The following AKT3 variants were observed in gnomAD, a reference collection of about 807,000 sequenced individuals.
AKT3 encodes the protein RAC-gamma serine/threonine-protein kinase.
In AKT3, 15 loss-of-function variants were observed where a neutral mutation model predicts 65.3. That is an observed-to-expected ratio of 0.23 (90% CI 0.15 to 0.35). The LOEUF (loss-of-function observed/expected upper bound fraction) is 0.35. AKT3 is among the 10% of genes least tolerant of loss of function. The pLI, the probability that AKT3 is intolerant of heterozygous loss-of-function variation, is 1.00. For missense variants in AKT3, 243 were observed against 576.5 expected (o/e 0.42, Z 5.92); for synonymous variants, 206 against 183.8 (o/e 1.12, Z -0.98).
At chr1:243,731,114 T>G (rs1437059931) in intron 2 of AKT3, among the ~76,000 whole-genome samples, 1 of 152,112 alleles carries the variant, frequency 6.6e-6, no homozygotes, top group Non-Finnish European at 1.5e-5. Flanking sequence ...GCTGGCAGAG[T>G]GACACCTGAA....
intron 8 of AKT3, among the ~76,000 whole-genome samples, chr1:243,602,553 C>A (rs1677092335): frequency 6.6e-6 from 1 of 152,136 alleles, no homozygotes; most frequent in African/African-American, 2.4e-5. Context: ...AGAATACTGA[C>A]TACTGGTGCT....
At chr1:243,595,495 C>T (rs973780406) in intron 8 of AKT3, among the ~76,000 whole-genome samples, 14 of 152,122 alleles carry the variant, frequency 9.2e-5, no homozygotes, top group Non-Finnish European at 1.3e-4. Context: ...ACTTTATACA[C>T]TTTAAAATTT....
intron 2 of AKT3, among the ~76,000 whole-genome samples, chr1:243,730,736 G>T (rs150835393): frequency 6.6e-6 from 1 of 152,200 alleles, no homozygotes; most frequent in Non-Finnish European, 1.5e-5. Flanking sequence ...GAGAGAGCAC[G>T]CCTGACCCAC....
At chr1:243,767,974 T>C (rs746732465) in intron 2 of AKT3, among the ~76,000 whole-genome samples, 29 of 151,712 alleles carry the variant, frequency 1.9e-4, no homozygotes, top group Admixed American at 5.3e-4. Flanking sequence ...GCTTAGAAAA[T>C]TGCCTTATAA....
chr1:243,835,058 T>C (rs1694806937), intron 2 of AKT3, among the ~76,000 whole-genome samples: 1 of 152,168 alleles, frequency 6.6e-6, no homozygotes, highest in Non-Finnish European at 1.5e-5. Flanking sequence ...TAGACTGTAA[T>C]AAATTAAGAA....
intron 12 of AKT3, among the ~76,000 whole-genome samples, chr1:243,527,911 A>AT: frequency 9.1e-6 from 1 of 109,788 alleles, no homozygotes; most frequent in African/African-American, 3.5e-5. Context: ...ACACACACAC[A>AT]CACACACACA....
chr1:243,653,478 C>T (rs546166500), intron 4 of AKT3, among the ~76,000 whole-genome samples: 1 of 152,306 alleles, frequency 6.6e-6, no homozygotes, highest in East Asian at 1.9e-4. Flanking sequence ...AAGAGGGAAT[C>T]CTCCCTAACT....
intron 12 of AKT3, among the ~76,000 whole-genome samples, chr1:243,539,851 T>C (rs1672190008): frequency 6.6e-6 from 1 of 152,126 alleles, no homozygotes; most frequent in Admixed American, 6.6e-5. Flanking sequence ...ACTTAGATGA[T>C]AAATTCCTTG....
chr1:243,798,553 CTTGATA>C (rs1692189511), intron 2 of AKT3, among the ~76,000 whole-genome samples: 1 of 151,814 alleles, frequency 6.6e-6, no homozygotes, highest in African/African-American at 2.4e-5. Flanking sequence ...TATTTATGTT[CTTGATA>C]TTATCTAATT....
intron 8 of AKT3, among the ~76,000 whole-genome samples, chr1:243,603,359 A>T (rs1677155833): frequency 6.6e-6 from 1 of 152,212 alleles, no homozygotes; most frequent in Non-Finnish European, 1.5e-5. Flanking sequence ...ATTCTCAGTT[A>T]TCATTGTACA....
rs139300505 is a variant in AKT3 at position 243,537,331 on chromosome 1, A to T, written c.1251+8179T>A. On this transcript the variant is annotated intron_variant, in intron 12 of 13. Coordinates refer to ENST00000673466, the MANE Select transcript of AKT3 (RefSeq NM_005465.7). ...CTAATTAAACTCTGAATTTCCAGAC[A>T]TATTTATTTCCATTTTAACTCCCAG... Among the ~76,000 whole-genome samples, 306 of 152,132 alleles carry T rather than the reference A, an allele frequency of 2.0e-3. 1 individual carries two copies. The highest frequency in any genetic ancestry group is 3.1e-3 in the Non-Finnish European group (211 of 67,984).
chr1:243,630,309 T>A (rs1679509549), intron 6 of AKT3, among the ~76,000 whole-genome samples: 1 of 152,190 alleles, frequency 6.6e-6, no homozygotes, highest in Admixed American at 6.5e-5. Context: ...CCAAGTGTTA[T>A]AACCCAAATC....
intron 12 of AKT3, among the ~76,000 whole-genome samples, chr1:243,533,773 G>A (rs1671713985): frequency 1.3e-5 from 2 of 152,082 alleles, no homozygotes; most frequent in African/African-American, 2.4e-5. Flanking sequence ...GGCGGATCAC[G>A]AGGTCAGGAG....
chr1:243,606,081 A>C (rs1434759457), intron 8 of AKT3, among the ~76,000 whole-genome samples: 2 of 152,212 alleles, frequency 1.3e-5, no homozygotes, highest in African/African-American at 2.4e-5. Flanking sequence ...CCAGCCCTGC[A>C]GAACTGAGTC....
chr1:243,537,421 T>A (rs1672009000), intron 12 of AKT3, among the ~76,000 whole-genome samples: 1 of 152,122 alleles, frequency 6.6e-6, no homozygotes, highest in African/African-American at 2.4e-5. Context: ...CCAGCTATAA[T>A]CCTCTTCCTT....
chr1:243,552,632 C>T, intron 11 of AKT3, 97 bp downstream of exon 11: 1 of 1,095,210 alleles, frequency 9.1e-7, no homozygotes, highest in Non-Finnish European at 1.4e-6. Context: ...ACACCAAATA[C>T]ATTGCTTCTT....
At chr1:243,562,666 A>G (rs1410105639) in intron 10 of AKT3, among the ~76,000 whole-genome samples, 1 of 152,120 alleles carries the variant, frequency 6.6e-6, no homozygotes, top group Non-Finnish European at 1.5e-5. Flanking sequence ...AGACTCATGG[A>G]GAGAAGGGCT....
At chr1:243,658,007 T>C (rs1277305144) in intron 4 of AKT3, among the ~76,000 whole-genome samples, 2 of 152,008 alleles carry the variant, frequency 1.3e-5, no homozygotes, top group African/African-American at 2.4e-5. Flanking sequence ...ATATAAGACA[T>C]GAAACTACAA....
chr1:243,573,488 C>T (rs577788590), intron 8 of AKT3, among the ~76,000 whole-genome samples: 12 of 152,146 alleles, frequency 7.9e-5, no homozygotes, highest in Non-Finnish European at 1.5e-4. Context: ...AACTGATTTA[C>T]GCGAACTTGT....
Sources: gnomAD v4.1 joint callset for allele counts (sites outside exome capture counted in the v4.1 genomes callset) on GRCh38, gnomAD v4.1.1 for gene constraint, MANE v1.5 for transcripts, NCBI Gene and HGNC (gene_info 2026-07-23, HGNC 2026-07-21) for gene names.